Variants in KIF27 observed in about 807,000 individuals in gnomAD.
KIF27 encodes kinesin family member 27.
In KIF27, 84 loss-of-function variants were observed where a neutral mutation model predicts 141.8. That is an observed-to-expected ratio of 0.59 (90% CI 0.50 to 0.71). The LOEUF (loss-of-function observed/expected upper bound fraction) is 0.71. Among genes scored for constraint, KIF27 ranks in the 30% least tolerant of loss-of-function variants. The probability of loss-of-function intolerance (pLI) is 0.00; values close to 1 mark genes in which losing one functional copy is unlikely to be tolerated. For synonymous variants in KIF27, 471 were observed against 569.5 expected (o/e 0.83, Z 2.46); for missense variants, 1,306 against 1,628.4 (o/e 0.80, Z 3.41).
At chr9:83,901,785 A>G (rs1953925015) in intron 4 of KIF27, among the ~76,000 whole-genome samples, 1 of 152,102 alleles carries the variant, frequency 6.6e-6, no homozygotes, top group African/African-American at 2.4e-5. Context: ...AGGCAGGAGA[A>G]TTGCTTCAAC....
Position 83,880,343 on chromosome 9 carries a change from C to T in KIF27, c.2597G>A (p.Arg866Lys). Residue 866 changes from arginine to lysine, a missense_variant, in exon 11 of 18, where the codon AGG becomes AAG. Physicochemically the swap from Arg to Lys is conservative, Grantham distance 26. Transcript: ENST00000297814. ...CTTAATTACTGCATCCAGTTGCTTC[C>T]TTTTTTCATTTTCTTCTCGTAGTTT... is the stretch of plus-strand genomic sequence containing the variant. The part of the protein sequence containing the change: ...QRKLREENEK[R>K]KQLDAVIKRD... 6.2e-7 allele frequency: 1 copy of T among 1,613,722 alleles called. No individual in the cohort carries two copies. Among genetic ancestry groups the T allele is most frequent in the South Asian group, 1.1e-5 (1 of 91,066 alleles).
chr9:83,899,528 C>A (rs572615389), intron 5 of KIF27, 133 bp downstream of exon 5: 364 of 576,778 alleles, frequency 6.3e-4, no homozygotes, highest in Non-Finnish European at 6.9e-4. Flanking sequence ...ATAATTCTTT[C>A]AGGTGCCTAT....
At chr9:83,866,371 C>T (rs1276349174) in intron 13 of KIF27, among the ~76,000 whole-genome samples, 1 of 152,190 alleles carries the variant, frequency 6.6e-6, no homozygotes, top group Non-Finnish European at 1.5e-5. Context: ...TGGCCTGGCT[C>T]TCATTTGTGT....
rs1318494334 is a variant in KIF27, at chr9:83,908,490, T to C, written c.461A>G (p.Lys154Arg). Residue 154 changes from lysine (K) to arginine (R), a missense_variant, in exon 3 of 18, where the codon AAG becomes AGG. Lys to Arg is a conservative substitution (Grantham distance 26, BLOSUM62 2). Around this residue, in one of 4 missense-constraint regions of KIF27, gnomAD observed 533 missense variants for 565.6 expected, o/e 0.94. Coordinates refer to ENST00000297814, the MANE Select transcript of KIF27 (RefSeq NM_017576.4). ...TTCATCTTCTCGGATGTGAAGATCC[T>C]TCATGGATGTCTCCAATTCTAGAAG... Reference protein sequence around the residue: ...RDLLELETSMKDLHIREDEKG... With the variant: ...RDLLELETSMRDLHIREDEKG... The C allele has an allele frequency of 1.2e-6, 2 of 1,612,722 alleles. No homozygotes were observed. Among genetic ancestry groups the C allele is most frequent in the Admixed American group, 1.7e-5 (1 of 59,944 alleles).
intron 12 of KIF27, 53 bp from the exon 13 acceptor site, chr9:83,867,913 T>G: frequency 6.7e-7 from 1 of 1,484,016 alleles, no homozygotes; most frequent in Non-Finnish European, 9.0e-7. Flanking sequence ...CCATAAAAAT[T>G]ATATGGTAAT....
chr9:83,904,668 G>A (rs1954307956), intron 3 of KIF27, among the ~76,000 whole-genome samples: 1 of 152,094 alleles, frequency 6.6e-6, no homozygotes, highest in South Asian at 2.1e-4. Flanking sequence ...ACTGCACCTG[G>A]CCTAGATTAA....
chr9:83,848,114 CTG>C lies in KIF27; in HGVS notation c.3556+1983_3556+1984del, dbSNP rs1491126853. ...ATATGATATATATGATATCTCATAT[CTG>C]ATATATCTGATATCTCATATATGAT... On this transcript the variant is annotated intron_variant, in intron 16 of 17. Transcript: ENST00000297814. Among the ~76,000 whole-genome samples, 124 of 31,760 alleles carry C rather than the reference CTG, an allele frequency of 3.9e-3. 21 individuals are homozygous for C. Among genetic ancestry groups the C allele is most frequent in the African/African-American group, 9.6e-3 (35 of 3,640 alleles). 20.8% of individuals were successfully genotyped at this position (31,760 alleles called of 152,430 possible).
chr9:83,849,187 A>G (rs565133119), intron 16 of KIF27, among the ~76,000 whole-genome samples: 2 of 152,328 alleles, frequency 1.3e-5, no homozygotes, highest in South Asian at 2.1e-4. Context: ...AAAAAATATT[A>G]AAATATCAGT....
rs1437401847 is a variant in KIF27, at chr9:83,866,408, C to T, written c.2934+1276G>A. Among the ~76,000 whole-genome samples the T allele has an allele frequency of 2.0e-5, 3 of 152,162 alleles. No homozygotes were observed. The South Asian group carries it at 6.2e-4, about 32-fold the overall frequency. ...TCTCTAGGTACTTGGAATGCAGCAT[C>T]TTCTGTTCTGCTAAGTTAATAAGCT... On this transcript the variant is annotated intron_variant, in intron 13 of 17. Transcript: ENST00000297814.
At chr9:83,850,682 C>G (rs1316724919) in intron 15 of KIF27, among the ~76,000 whole-genome samples, 1 of 151,072 alleles carries the variant, frequency 6.6e-6, no homozygotes, top group Non-Finnish European at 1.5e-5. Context: ...ACTTGGGAGG[C>G]TGAAGCAGGA....
intron 13 of KIF27, among the ~76,000 whole-genome samples, chr9:83,860,455 T>C (rs1045942028): frequency 6.6e-6 from 1 of 152,154 alleles, no homozygotes; most frequent in African/African-American, 2.4e-5. Context: ...CCTCCTCCAT[T>C]CTCCCAATAT....
intron 9 of KIF27, among the ~76,000 whole-genome samples, chr9:83,884,422 A>C (rs1165246533): frequency 1.3e-5 from 2 of 152,166 alleles, no homozygotes; most frequent in Non-Finnish European, 2.9e-5. Context: ...CCTTTTTTAA[A>C]TTATTATGAA....
At chr9:83,901,064 T>A (rs1437496178) in intron 4 of KIF27, among the ~76,000 whole-genome samples, 1 of 152,094 alleles carries the variant, frequency 6.6e-6, no homozygotes, top group Non-Finnish European at 1.5e-5. Flanking sequence ...GCTCAAGTAA[T>A]CCTCCCACCT....
chr9:83,837,467 C>G lies in KIF27; in HGVS notation c.3740G>C (p.Gly1247Ala). 6.2e-7 allele frequency: 1 copy of G among 1,605,042 alleles called. No homozygotes were observed. Among genetic ancestry groups the G allele is most frequent in the African/African-American group, 1.3e-5 (1 of 74,512 alleles). The stretch of plus-strand genomic sequence containing the variant: ...GCCTCCTCCTTCTGGCTTCAGGACT[C>G]CATCTCCAGCCTCTTGATCTAAAAA... ...APSEYQEAGD[G>A]VLKPEGGGML... The change falls in exon 18 of 18, where the codon GGA becomes GCA. Residue 1247 changes from glycine to alanine, a missense_variant. By Grantham distance (60) the Gly-to-Ala change is moderately conservative (BLOSUM62 0). Transcript: ENST00000297814.
rs751853807 is a variant in KIF27, at chr9:83,903,739, C to T, written c.779G>A (p.Arg260Gln). The T allele has an allele frequency of 1.4e-5, 22 of 1,614,048 alleles. No homozygotes were observed. The highest frequency in any genetic ancestry group is 1.3e-5 in the African/African-American group (1 of 74,926). Residue 260 changes from arginine (R) to glutamine (Q), a missense_variant, in exon 4 of 18, where the codon CGG (arginine) becomes CAG (glutamine). By Grantham distance (43) the Arg-to-Gln change is conservative (BLOSUM62 1). Coordinates refer to ENST00000297814, the MANE Select transcript of KIF27 (RefSeq NM_017576.4). ...ATTGATTTGAATGGATTCTTTGAAC[C>T]GTTCACCAGTATTCCCCGTTTTGGT... ...RVTKTGNTGE[R>Q]FKESIQINSG...
intron 16 of KIF27, among the ~76,000 whole-genome samples, chr9:83,848,261 A>C (rs1223793341): frequency 9.1e-6 from 1 of 109,576 alleles, no homozygotes; most frequent in African/African-American, 3.7e-5. Context: ...TATGATATAT[A>C]TGATATATCA....
intron 2 of KIF27, among the ~76,000 whole-genome samples, chr9:83,913,581 C>T (rs1323965024): frequency 1.3e-5 from 2 of 152,112 alleles, no homozygotes; most frequent in Admixed American, 6.5e-5. Flanking sequence ...GGATTAGAGG[C>T]ATGTGCCACG....
intron 11 of KIF27, among the ~76,000 whole-genome samples, chr9:83,875,628 G>A (rs1951153103): frequency 6.6e-6 from 1 of 152,148 alleles, no homozygotes; most frequent in Non-Finnish European, 1.5e-5. Flanking sequence ...AGTAGGATGA[G>A]CTAGCCAAGA....
chr9:83,895,011 T>C (rs1953045992), intron 5 of KIF27, among the ~76,000 whole-genome samples: 2 of 150,586 alleles, frequency 1.3e-5, no homozygotes, highest in African/African-American at 2.4e-5. Flanking sequence ...TTTGGGAGGC[T>C]GAGGTGGGCA....
Sources: allele counts gnomAD v4.1 joint callset (sites outside exome capture counted in the v4.1 genomes callset), GRCh38; gene constraint gnomAD v4.1.1; regional missense constraint gnomAD v4.1.1; transcripts MANE v1.5; gene names NCBI Gene and HGNC (gene_info 2026-07-23, HGNC 2026-07-21).